The following SLC9A9 variants were observed in gnomAD, a reference collection of about 807,000 sequenced individuals.
SLC9A9 encodes the protein sodium/hydrogen exchanger 9.
Under a neutral mutation model 77.8 loss-of-function variants are expected in SLC9A9, and 62 were observed. That is an observed-to-expected ratio of 0.80 (90% CI 0.65 to 0.98). SLC9A9 has a LOEUF of 0.98. SLC9A9 is among the 50% of genes least tolerant of loss of function. The probability of loss-of-function intolerance (pLI) is 0.00; values close to 1 mark genes in which losing one functional copy is unlikely to be tolerated. For synonymous variants in SLC9A9, 320 were observed against 283.5 expected (o/e 1.13, Z -1.29); for missense variants, 775 against 774.9 (o/e 1.00, Z 0.00).
At chr3:143,349,189 C>A (rs544525139) in intron 14 of SLC9A9, among the ~76,000 whole-genome samples, 1 of 152,326 alleles carries the variant, frequency 6.6e-6, no homozygotes, top group East Asian at 1.9e-4. Flanking sequence ...GGACACTTAG[C>A]ATTTTCAGTC....
intron 4 of SLC9A9, among the ~76,000 whole-genome samples, chr3:143,730,103 T>A (rs1934762213): frequency 6.6e-6 from 1 of 152,202 alleles, no homozygotes; most frequent in African/African-American, 2.4e-5. Flanking sequence ...GAAGTGCACA[T>A]GTCAAGGCCA....
intron 6 of SLC9A9, among the ~76,000 whole-genome samples, chr3:143,629,623 G>A (rs761660445): frequency 1.4e-4 from 21 of 151,512 alleles, no homozygotes; most frequent in Non-Finnish European, 2.7e-4. Context: ...AAGGGAGAGA[G>A]ATCTACTAGC....
intron 4 of SLC9A9, among the ~76,000 whole-genome samples, chr3:143,724,981 C>T (rs1307635446): frequency 8.5e-5 from 13 of 152,178 alleles, no homozygotes. Context: ...AGAGACTAGG[C>T]TTCACGTGGC....
At chr3:143,325,913 A>G (rs1039641363) in intron 14 of SLC9A9, among the ~76,000 whole-genome samples, 2 of 152,226 alleles carry the variant, frequency 1.3e-5, no homozygotes, top group Admixed American at 1.3e-4. Flanking sequence ...ATAAAGAGTT[A>G]GGCATCATAA....
intron 4 of SLC9A9, among the ~76,000 whole-genome samples, chr3:143,737,569 A>T (rs1157320161): frequency 6.6e-6 from 1 of 152,108 alleles, no homozygotes; most frequent in East Asian, 1.9e-4. Context: ...TTGAGTCTCA[A>T]ATATGTCCAG....
At chr3:143,574,889 A>T (rs1032370843) in intron 7 of SLC9A9, among the ~76,000 whole-genome samples, 2 of 152,198 alleles carry the variant, frequency 1.3e-5, no homozygotes, top group African/African-American at 4.8e-5. Flanking sequence ...GATGATTAGG[A>T]GTACGTGATC....
intron 9 of SLC9A9, among the ~76,000 whole-genome samples, chr3:143,549,761 A>G (rs2036848449): frequency 6.6e-6 from 1 of 152,176 alleles, no homozygotes; most frequent in Non-Finnish European, 1.5e-5. Context: ...AGTTCTGCTG[A>G]GCAGTCTAGA....
intron 12 of SLC9A9, among the ~76,000 whole-genome samples, chr3:143,443,759 C>G (rs1367687487): frequency 6.6e-6 from 1 of 152,090 alleles, no homozygotes; most frequent in African/African-American, 2.4e-5. Flanking sequence ...TCTTATGTTC[C>G]CAACAATTCT....
chr3:143,339,526 T>C (rs1159856700), intron 14 of SLC9A9, among the ~76,000 whole-genome samples: 1 of 151,706 alleles, frequency 6.6e-6, no homozygotes, highest in Non-Finnish European at 1.5e-5. Context: ...TATGTTACAT[T>C]CCCCCCCTTC....
At chr3:143,302,013 G>C (rs572667198) in intron 14 of SLC9A9, among the ~76,000 whole-genome samples, 1 of 152,318 alleles carries the variant, frequency 6.6e-6, no homozygotes, top group East Asian at 1.9e-4. Context: ...CTTCACCCTA[G>C]GAAGAGTGAG....
At chr3:143,299,577 G>A (rs910321784) in intron 14 of SLC9A9, among the ~76,000 whole-genome samples, 3 of 152,048 alleles carry the variant, frequency 2.0e-5, no homozygotes, top group African/African-American at 7.2e-5. Flanking sequence ...CCCAGTAGCT[G>A]GGACTACAGG....
intron 12 of SLC9A9, among the ~76,000 whole-genome samples, chr3:143,463,608 G>A (rs909761115): frequency 6.6e-6 from 1 of 152,116 alleles, no homozygotes; most frequent in Admixed American, 6.5e-5. Flanking sequence ...GAGGAGAACC[G>A]GATTTTAATC....
chr3:143,556,133 T>A (rs1007391585), intron 8 of SLC9A9, among the ~76,000 whole-genome samples: 3 of 152,206 alleles, frequency 2.0e-5, no homozygotes, highest in African/African-American at 7.2e-5. Context: ...GAAAGAACAT[T>A]TTAATTATCA....
intron 12 of SLC9A9, among the ~76,000 whole-genome samples, chr3:143,466,104 G>A (rs1004863065): frequency 3.3e-5 from 5 of 152,170 alleles, no homozygotes; most frequent in Admixed American, 6.5e-5. Context: ...ACTATACTAG[G>A]TGCTGTAATA....
chr3:143,687,622 T>G (rs1031151795), intron 5 of SLC9A9, among the ~76,000 whole-genome samples: 10 of 152,116 alleles, frequency 6.6e-5, no homozygotes, highest in African/African-American at 2.4e-4. Flanking sequence ...AATAAAAGAT[T>G]GTTTTAAAAT....
intron 4 of SLC9A9, among the ~76,000 whole-genome samples, chr3:143,763,302 C>T (rs1383138108): frequency 1.3e-5 from 2 of 152,138 alleles, no homozygotes; most frequent in African/African-American, 4.8e-5. Context: ...CCATTTAGTT[C>T]ACAGCCTTAG....
chr3:143,722,820 G>T (rs1174475195), intron 4 of SLC9A9, among the ~76,000 whole-genome samples: 1 of 152,026 alleles, frequency 6.6e-6, no homozygotes, highest in Non-Finnish European at 1.5e-5. Flanking sequence ...TCTACATAAA[G>T]CTCAATTATT....
intron 6 of SLC9A9, among the ~76,000 whole-genome samples, chr3:143,650,383 G>T (rs1470301735): frequency 1.3e-5 from 2 of 152,190 alleles, no homozygotes; most frequent in African/African-American, 4.8e-5. Context: ...AGAATAGTAT[G>T]TGTGCTATAA....
chr3:143,647,306 A>T (rs1364338201), intron 6 of SLC9A9, among the ~76,000 whole-genome samples: 1 of 152,212 alleles, frequency 6.6e-6, no homozygotes, highest in African/African-American at 2.4e-5. Flanking sequence ...ACTGATCAAC[A>T]CATGTGTTGA....
Sources: allele counts gnomAD v4.1 joint callset (sites outside exome capture counted in the v4.1 genomes callset), GRCh38; gene constraint gnomAD v4.1.1; transcripts MANE v1.5; gene names NCBI Gene and HGNC (gene_info 2026-07-23, HGNC 2026-07-21).